Variants in GPC6 observed in about 807,000 individuals in gnomAD.
GPC6 encodes glypican 6.
Under a neutral mutation model 55.2 loss-of-function variants are expected in GPC6, and 14 were observed. The observed-to-expected ratio is 0.25, with a 90% CI of 0.17 to 0.40. GPC6 has a LOEUF of 0.40. Ranked by LOEUF, GPC6 falls within the 10% of genes least tolerant of loss-of-function variation. The pLI is 1.00. For missense variants in GPC6, 641 were observed against 708.5 expected (o/e 0.90, Z 1.08); for synonymous variants, 278 against 259.6 (o/e 1.07, Z -0.68).
intron 2 of GPC6, among the ~76,000 whole-genome samples, chr13:93,638,609 C>A (rs1419424182): frequency 1.3e-5 from 2 of 152,054 alleles, no homozygotes; most frequent in African/African-American, 4.8e-5. Context: ...CTAATGAGAT[C>A]CTTTTATTGC....
intron 1 of GPC6, among the ~76,000 whole-genome samples, chr13:93,455,313 G>C (rs1252364132): frequency 6.6e-6 from 1 of 152,188 alleles, no homozygotes; most frequent in African/African-American, 2.4e-5. Context: ...CAGAGCGAGG[G>C]AGGGCTGTGA....
intron 1 of GPC6, among the ~76,000 whole-genome samples, chr13:93,542,325 G>C (rs1333952219): frequency 6.6e-6 from 1 of 152,152 alleles, no homozygotes; most frequent in Non-Finnish European, 1.5e-5. Context: ...TCAAAGATCA[G>C]ATAGTTGTAG....
At chr13:93,932,298 G>A (rs577079363) in intron 3 of GPC6, among the ~76,000 whole-genome samples, 5 of 152,152 alleles carry the variant, frequency 3.3e-5, no homozygotes, top group Middle Eastern at 3.4e-3. Flanking sequence ...AATTAGCACC[G>A]ATGGTAACAC....
At chr13:94,171,847 C>A (rs186001121) in intron 4 of GPC6, among the ~76,000 whole-genome samples, 1 of 152,184 alleles carries the variant, frequency 6.6e-6, no homozygotes, top group East Asian at 1.9e-4. Context: ...GGAAGGAATC[C>A]CCTCTGTTAC....
chr13:93,665,438 G>A (rs1021047207), intron 2 of GPC6, among the ~76,000 whole-genome samples: 40 of 152,048 alleles, frequency 2.6e-4, no homozygotes, highest in African/African-American at 6.8e-4. Context: ...GCAGGGATAC[G>A]CTTATGTACC....
chr13:93,463,389 T>G (rs1169086668), intron 1 of GPC6, among the ~76,000 whole-genome samples: 1 of 152,204 alleles, frequency 6.6e-6, no homozygotes, highest in African/African-American at 2.4e-5. Flanking sequence ...ACGTGACTTA[T>G]ATTAAATCTT....
chr13:93,436,036 T>C (rs1877559199), intron 1 of GPC6, among the ~76,000 whole-genome samples: 1 of 152,320 alleles, frequency 6.6e-6, no homozygotes, highest in South Asian at 2.1e-4. Flanking sequence ...TCTGCCATGA[T>C]GTACATAGTG....
intron 5 of GPC6, among the ~76,000 whole-genome samples, chr13:94,290,420 C>T (rs1217441688): frequency 8.5e-6 from 1 of 117,028 alleles, no homozygotes; most frequent in African/African-American, 3.4e-5. Context: ...GACTCTGGCT[C>T]TAGAAAGGTA....
At chr13:93,927,283 A>T (rs1367132310) in intron 3 of GPC6, among the ~76,000 whole-genome samples, 1 of 152,110 alleles carries the variant, frequency 6.6e-6, no homozygotes, top group African/African-American at 2.4e-5. Context: ...ATAACCAAAT[A>T]CCTTCTGTGC....
At chr13:93,728,078 C>A (rs537872972) in intron 2 of GPC6, among the ~76,000 whole-genome samples, 120 of 152,256 alleles carry the variant, frequency 7.9e-4, no homozygotes, top group Non-Finnish European at 1.2e-3. Context: ...CAATCTACCT[C>A]TGTGGAGAAG....
At chr13:93,833,583 T>A (rs772610291) in intron 3 of GPC6, among the ~76,000 whole-genome samples, 1 of 151,032 alleles carries the variant, frequency 6.6e-6, no homozygotes, top group African/African-American at 2.4e-5. Context: ...TTTTTTTTTC[T>A]CTTCAGTTTC....
chr13:94,020,685 G>T (rs1217409149), intron 3 of GPC6, among the ~76,000 whole-genome samples: 2 of 152,040 alleles, frequency 1.3e-5, no homozygotes, highest in African/African-American at 2.4e-5. Context: ...CCTTTTATGG[G>T]TTCCCTTTAC....
intron 6 of GPC6, among the ~76,000 whole-genome samples, chr13:94,353,898 C>CT (rs1157129041): frequency 6.6e-6 from 1 of 152,098 alleles, no homozygotes; most frequent in Non-Finnish European, 1.5e-5. Context: ...GTACTCAGAA[C>CT]TTTATCCAAC....
At chr13:93,425,230 T>C (rs1350150905) in intron 1 of GPC6, among the ~76,000 whole-genome samples, 1 of 152,224 alleles carries the variant, frequency 6.6e-6, no homozygotes, top group Non-Finnish European at 1.5e-5. Context: ...GCTTTTACTG[T>C]GGCTCGGCTG....
intron 4 of GPC6, among the ~76,000 whole-genome samples, chr13:94,226,816 T>C (rs879515): frequency 0.19 from 29,470 of 152,166 alleles, 3,059 homozygotes; most frequent in East Asian, 0.42. Flanking sequence ...CTGAAGAAGC[T>C]GGAAGCCTAA....
intron 3 of GPC6, among the ~76,000 whole-genome samples, chr13:93,894,013 CACTT>C: frequency 6.6e-6 from 1 of 152,166 alleles, no homozygotes; most frequent in African/African-American, 2.4e-5. Context: ...TCCATGATGG[CACTT>C]ACTTGGTGCC....
chr13:93,764,562 TG>T (rs1885050857), intron 2 of GPC6, among the ~76,000 whole-genome samples: 1 of 135,912 alleles, frequency 7.4e-6, no homozygotes, highest in South Asian at 2.5e-4. Flanking sequence ...AAGTTATTTA[TG>T]AGAAAAAAAT....
intron 4 of GPC6, among the ~76,000 whole-genome samples, chr13:94,150,811 G>T (rs1887709760): frequency 1.4e-5 from 1 of 71,900 alleles, no homozygotes; most frequent in African/African-American, 7.3e-5. Flanking sequence ...AGAGAGATCA[G>T]CAGTATATAT....
intron 3 of GPC6, among the ~76,000 whole-genome samples, chr13:93,866,614 A>C (rs1888973232): frequency 6.6e-6 from 1 of 151,780 alleles, no homozygotes; most frequent in Non-Finnish European, 1.5e-5. Context: ...AAACTAACAC[A>C]GGAACAGAAA....
Sources: allele counts gnomAD v4.1 joint callset (sites outside exome capture counted in the v4.1 genomes callset), GRCh38; gene constraint gnomAD v4.1.1; transcripts MANE v1.5; gene names NCBI Gene and HGNC (gene_info 2026-07-23, HGNC 2026-07-21).